Variants in RIMS2 observed in about 807,000 individuals in gnomAD.
RIMS2 encodes the protein regulating synaptic membrane exocytosis 2, also known as regulating synaptic membrane exocytosis protein 2.
In RIMS2, 59 loss-of-function variants were observed where a neutral mutation model predicts 174.4. The ratio of observed to expected loss-of-function variants is 0.34; its 90% CI spans 0.27 to 0.42. The LOEUF (loss-of-function observed/expected upper bound fraction) is 0.42, where lower values mean the gene tolerates loss of function less well. Among genes scored for constraint, RIMS2 ranks in the 10% least tolerant of loss-of-function variants. The probability of loss-of-function intolerance (pLI) is 1.00; values close to 1 mark genes in which losing one functional copy is unlikely to be tolerated. For missense variants in RIMS2, 1,620 were observed against 1,666.3 expected, an observed-to-expected ratio of 0.97 and a Z score of 0.48; for synonymous variants, 606 against 572.5, an observed-to-expected ratio of 1.06 and a Z score of -0.84.
intron 1 of RIMS2, among the ~76,000 whole-genome samples, chr8:103,613,264 T>C (rs899118252): frequency 6.6e-6 from 1 of 152,258 alleles, no homozygotes; most frequent in Non-Finnish European, 1.5e-5. Context: ...CAATATAAAG[T>C]CCTTTTCACT....
intron 3 of RIMS2, among the ~76,000 whole-genome samples, chr8:103,833,633 G>A (rs935728164): frequency 1.7e-4 from 26 of 151,870 alleles, no homozygotes; most frequent in African/African-American, 6.0e-4. Flanking sequence ...CTTATCAGAG[G>A]TAAAGCTCAT....
In RIMS2 at chr8:104,014,492, T is replaced by C. The variant is rs781139659; in HGVS notation, c.3225-14T>C. 1.4e-6 allele frequency: 2 copies of C among 1,412,888 alleles called. No homozygotes were observed. Among genetic ancestry groups the C allele is most frequent in the Non-Finnish European group, 2.0e-6 (2 of 1,001,990 alleles). 87.5% of individuals were successfully genotyped at this position (1,412,888 alleles called of 1,614,324 possible). A position where few individuals can be genotyped will look rare whatever the true frequency, so the allele number is the denominator to read the frequency against. Reference sequence around the variant, plus strand: ...TCATTATACTGAAAATGAATATTAATGGTGTGTCTTTAGGTCTCATCCTCG... The same window carrying C: ...TCATTATACTGAAAATGAATATTAACGGTGTGTCTTTAGGTCTCATCCTCG... On this transcript the variant is annotated splice_polypyrimidine_tract_variant and intron_variant, in intron 18 of 23. Coordinates refer to ENST00000504942, the Ensembl canonical transcript of RIMS2.
chr8:104,206,505 A>T (rs1334166631), intron 19 of RIMS2, among the ~76,000 whole-genome samples: 1 of 152,222 alleles, frequency 6.6e-6, no homozygotes, highest in Non-Finnish European at 1.5e-5. Context: ...AATAATATAA[A>T]ATATAATGAT....
intron 1 of RIMS2, among the ~76,000 whole-genome samples, chr8:103,568,054 G>A (rs2092510216): frequency 6.6e-6 from 1 of 152,112 alleles, no homozygotes; most frequent in South Asian, 2.1e-4. Context: ...GATTGCTTGA[G>A]CCCAGGAGTT....
chr8:104,126,751 A>G (rs1476137543), intron 19 of RIMS2, among the ~76,000 whole-genome samples: 3 of 152,250 alleles, frequency 2.0e-5, no homozygotes. Context: ...GAATCAACAT[A>G]CTTTGAATGA....
At chr8:103,816,820 A>T (rs2098721131) in intron 3 of RIMS2, among the ~76,000 whole-genome samples, 1 of 152,166 alleles carries the variant, frequency 6.6e-6, no homozygotes, top group African/African-American at 2.4e-5. Context: ...TTTAAGTCTC[A>T]TTCTAGTGTT....
At chr8:104,025,693 C>G (rs1317688315) in intron 19 of RIMS2, among the ~76,000 whole-genome samples, 1 of 143,758 alleles carries the variant, frequency 7.0e-6, no homozygotes, top group African/African-American at 2.6e-5. Flanking sequence ...CACCCTGAAG[C>G]AGTTGTTAAA....
At chr8:103,978,071 G>A (rs1266927794) in intron 16 of RIMS2, among the ~76,000 whole-genome samples, 1 of 152,148 alleles carries the variant, frequency 6.6e-6, no homozygotes, top group Admixed American at 6.5e-5. Flanking sequence ...GTAATCATTA[G>A]CATAAACTCA....
At chr8:104,223,323 A>C in intron 19 of RIMS2, 5 of 1,000,130 alleles carry the variant, frequency 5.0e-6, no homozygotes, top group Non-Finnish European at 6.1e-6. Flanking sequence ...CTGCGCGGGG[A>C]GGGCAGCGAG....
At chr8:104,166,489 A>G (rs1182256250) in intron 19 of RIMS2, among the ~76,000 whole-genome samples, 1 of 152,150 alleles carries the variant, frequency 6.6e-6, no homozygotes, top group African/African-American at 2.4e-5. Flanking sequence ...TAAGTTCAGA[A>G]AAAACATTTA....
At chr8:104,124,010 G>A (rs1177832674) in intron 19 of RIMS2, among the ~76,000 whole-genome samples, 1 of 151,988 alleles carries the variant, frequency 6.6e-6, no homozygotes, top group Non-Finnish European at 1.5e-5. Context: ...GTGGACCTGT[G>A]CAATTACACC....
chr8:103,984,836 T>G (rs950119278), intron 16 of RIMS2, among the ~76,000 whole-genome samples: 4 of 152,296 alleles, frequency 2.6e-5, no homozygotes, highest in East Asian at 1.9e-4. Flanking sequence ...TATTTATGCA[T>G]GGTGGAGTAC....
chr8:103,740,046 T>G (rs1431402590), intron 2 of RIMS2, among the ~76,000 whole-genome samples: 2 of 152,176 alleles, frequency 1.3e-5, no homozygotes, highest in African/African-American at 4.8e-5. Flanking sequence ...ATCCACCCTT[T>G]GTACTTTAAT....
In RIMS2 at chr8:103,783,977, G is replaced by A. The variant is rs1474888479; in HGVS notation, c.698+17440G>A. On this transcript the variant is annotated intron_variant, in intron 3 of 23. Coordinates refer to ENST00000504942, the Ensembl canonical transcript of RIMS2. ...TTGCCATTCTAACTGGTGTGAGATGGTATCTCATTGTGGTTTTGATTTGCA... is the reference window on the plus strand; with the variant it reads ...TTGCCATTCTAACTGGTGTGAGATGATATCTCATTGTGGTTTTGATTTGCA... Among the ~76,000 whole-genome samples the A allele has an allele frequency of 8.1e-4, 123 of 151,422 alleles. 4 individuals carry two copies. In the South Asian group the frequency reaches 0.023, roughly 28 times the overall value.
intron 1 of RIMS2, among the ~76,000 whole-genome samples, chr8:103,584,416 TAGTA>T (rs2093789374): frequency 1.4e-5 from 2 of 139,148 alleles, no homozygotes; most frequent in East Asian, 2.2e-4. Flanking sequence ...TTACTAGTAA[TAGTA>T]AGTACACAGA....
intron 19 of RIMS2, among the ~76,000 whole-genome samples, chr8:104,215,838 T>C (rs1025248543): frequency 1.3e-5 from 2 of 152,134 alleles, no homozygotes; most frequent in Non-Finnish European, 2.9e-5. Context: ...CTGGGAAAAA[T>C]AGAAGCCCTC....
chr8:103,884,516 G>C (rs1158142795), intron 3 of RIMS2, among the ~76,000 whole-genome samples: 3 of 151,834 alleles, frequency 2.0e-5, no homozygotes, highest in African/African-American at 7.3e-5. Flanking sequence ...AGAAGGGTAA[G>C]TTGAGAAGGT....
At chr8:104,207,112 A>G (rs2099083976) in intron 19 of RIMS2, among the ~76,000 whole-genome samples, 2 of 152,178 alleles carry the variant, frequency 1.3e-5, no homozygotes, top group South Asian at 4.1e-4. Context: ...TTTTACATAT[A>G]AGGTTTGAAA....
At chr8:103,564,967 A>G (rs149796189) in intron 1 of RIMS2, among the ~76,000 whole-genome samples, 2 of 152,306 alleles carry the variant, frequency 1.3e-5, no homozygotes, top group African/African-American at 4.8e-5. Context: ...ACTAAACGTT[A>G]TATGACACAG....
Sources: allele counts gnomAD v4.1 joint callset (sites outside exome capture counted in the v4.1 genomes callset), GRCh38; gene constraint gnomAD v4.1.1; transcripts MANE v1.5; gene names NCBI Gene and HGNC (gene_info 2026-07-23, HGNC 2026-07-21).